Variants in NHS observed in about 807,000 individuals in gnomAD.
NHS encodes the protein NHS actin remodeling regulator, also known as actin remodeling regulator NHS.
In NHS, 5 loss-of-function variants were observed where a neutral mutation model predicts 72.5. The observed-to-expected ratio is 0.07, with a 90% CI of 0.04 to 0.14. The LOEUF is 0.14. Among genes scored for constraint, NHS ranks in the 10% least tolerant of loss-of-function variants. The pLI is 1.00. For synonymous variants in NHS, 464 were observed against 547.7 expected, an observed-to-expected ratio of 0.85 and a Z score of 2.13; for missense variants, 1,072 against 1,355.7, an observed-to-expected ratio of 0.79 and a Z score of 3.29.
intron 1 of NHS, among the ~76,000 whole-genome samples, chrX:17,606,580 G>A (rs2065680475): frequency 8.9e-6 from 1 of 112,062 alleles, no homozygotes; most frequent in African/African-American, 3.2e-5. Flanking sequence ...GATCAAAAAC[G>A]ACCAGTTGGA....
At chrX:17,582,633 A>C (rs2065549997) in intron 1 of NHS, among the ~76,000 whole-genome samples, 1 of 111,777 alleles carries the variant, frequency 8.9e-6, no homozygotes, top group Non-Finnish European at 1.9e-5. Context: ...CTGACTCTGC[A>C]CAGAGAAGCC....
intron 1 of NHS, among the ~76,000 whole-genome samples, chrX:17,383,170 C>T (rs902280947): frequency 8.9e-6 from 1 of 111,960 alleles, no homozygotes; most frequent in African/African-American, 3.3e-5. Flanking sequence ...GAGTCACCTC[C>T]CACATAAACT....
chrX:17,515,691 C>T (rs1184324364), intron 1 of NHS, among the ~76,000 whole-genome samples: 1 of 112,113 alleles, frequency 8.9e-6, no homozygotes, highest in Non-Finnish European at 1.9e-5. Context: ...ATCTATTGAG[C>T]ACTCACACCT....
chrX:17,607,932 T>C (rs1454435091), intron 1 of NHS, among the ~76,000 whole-genome samples: 1 of 104,057 alleles, frequency 9.6e-6, no homozygotes, highest in Non-Finnish European at 2.0e-5. Context: ...TTTTTTTTTT[T>C]TTTTGAGACA....
chrX:17,728,183 T>C lies in NHS; in HGVS notation c.4077T>C (p.Tyr1359=), dbSNP rs2066463395. The part of the protein sequence containing the change: ...HHDKVPGTIS[Y]ESEITSVNSF... ...ACAAAGTGCCTGGTACTATCAGCTA[T>C]GAATCGGAGATAACATCTGTAAATT... The change falls in exon 7 of 9, where the codon TAT becomes TAC. Residue 1359 remains tyrosine (Y), a synonymous_variant. Transcript: ENST00000676302. 1 of 1,209,947 alleles carries C rather than the reference T, an allele frequency of 8.3e-7. No individual in the cohort carries two copies. The highest frequency in any genetic ancestry group is 1.8e-5 in the South Asian group (1 of 56,799).
chrX:17,608,688 G>GTT (rs1266641022), intron 1 of NHS, among the ~76,000 whole-genome samples: 2,090 of 109,752 alleles, frequency 0.019, 61 homozygotes, highest in African/African-American at 0.064. Flanking sequence ...TTTTTTTTGG[G>GTT]GGGATATAAG....
chrX:17,597,920 G>A lies in NHS; in HGVS notation c.566-89822G>A, dbSNP rs961056388. ...GCGAGAGAGGGTGCCCAGAATGATC[G>A]CAGGCTCATTTCTAGGAGGGTAGGA... On this transcript the variant is annotated intron_variant, in intron 1 of 8. Transcript: ENST00000676302. Among the ~76,000 whole-genome samples, 4 of 111,292 alleles carry A rather than the reference G, an allele frequency of 3.6e-5. No individual in the cohort carries two copies. In the Admixed American group the frequency reaches 3.8e-4, roughly 11 times the overall value.
At chrX:17,551,761 T>C (rs1431317836) in intron 1 of NHS, among the ~76,000 whole-genome samples, 1 of 111,212 alleles carries the variant, frequency 9.0e-6, no homozygotes, top group Non-Finnish European at 1.9e-5. Flanking sequence ...CCTGTGCCTG[T>C]TCGTTGCCCT....
intron 3 of NHS, among the ~76,000 whole-genome samples, chrX:17,714,985 A>C (rs1300192786): frequency 1.8e-5 from 2 of 112,769 alleles, no homozygotes; most frequent in East Asian, 2.8e-4. Flanking sequence ...TTGACTAAAC[A>C]TCCAGGAAAG....
At chrX:17,632,052 G>C (rs1364078394) in intron 1 of NHS, among the ~76,000 whole-genome samples, 2 of 111,989 alleles carry the variant, frequency 1.8e-5, no homozygotes, top group African/African-American at 6.5e-5. Context: ...CATTGACCAG[G>C]TAGCAATCCC....
At chrX:17,635,568 T>G (rs756852916) in intron 1 of NHS, 2 of 1,166,119 alleles carry the variant, frequency 1.7e-6, no homozygotes, top group East Asian at 3.3e-5. Flanking sequence ...AATCCAAGCA[T>G]GGCTCTGGCC....
chrX:17,487,999 A>AC, intron 1 of NHS, among the ~76,000 whole-genome samples: 1 of 111,051 alleles, frequency 9.0e-6, no homozygotes, highest in Admixed American at 9.6e-5. Context: ...AAGTCTCGAA[A>AC]CCAGCAAAAA....
At position 17,375,695 on chromosome X, in the gene NHS, C is replaced by T; in HGVS notation, c.-63C>T. The T allele has an allele frequency of 8.9e-7, 1 of 1,129,750 alleles. No homozygotes were observed. The highest frequency in any genetic ancestry group is 1.9e-5 in the South Asian group (1 of 51,586). The allele number at this position is 1,129,750 out of a possible 1,213,427, so 93.1% of individuals were successfully genotyped here. On this transcript the variant is annotated 5_prime_UTR_variant, in exon 1 of 9. Coordinates refer to ENST00000676302, the MANE Select transcript of NHS (RefSeq NM_001291867.2). ...CCCCCTCCCTGCTCAGGTGGGCGCG[C>T]CCGGTCTCCAGCTCACAGGGGCGCT...
chrX:17,538,566 G>C (rs1346613800), intron 1 of NHS, among the ~76,000 whole-genome samples: 2 of 111,691 alleles, frequency 1.8e-5, no homozygotes, highest in Non-Finnish European at 3.8e-5. Flanking sequence ...ATTGCTCCCA[G>C]AGATGTTGAG....
At chrX:17,436,594 C>T (rs1415819919) in intron 1 of NHS, among the ~76,000 whole-genome samples, 1 of 102,523 alleles carries the variant, frequency 9.8e-6, no homozygotes, top group East Asian at 3.0e-4. Flanking sequence ...CCGGGAGATT[C>T]TTGATAAATA....
chrX:17,655,044 T>C (rs1380338961), intron 1 of NHS, among the ~76,000 whole-genome samples: 5 of 112,089 alleles, frequency 4.5e-5, no homozygotes, highest in Non-Finnish European at 9.4e-5. Flanking sequence ...GGGTGAGATG[T>C]GTCTAGGATG....
chrX:17,411,894 T>C (rs1280450145), intron 1 of NHS, among the ~76,000 whole-genome samples: 9 of 111,557 alleles, frequency 8.1e-5, no homozygotes, highest in African/African-American at 2.6e-4. Context: ...AAGGGGTAAG[T>C]GATTGTTTTA....
Position 17,630,567 on chromosome X carries a change from C to T in NHS, c.566-57175C>T, listed in dbSNP as rs571183672. 2.0e-4 allele frequency among the ~76,000 whole-genome samples: 22 copies of T among 110,612 alleles called. 1 individual carries two copies. The South Asian group carries it at 8.7e-3, about 44-fold the overall frequency. ...GCAAGCCCCATCAACCATCTCACCT[C>T]CAGGTGACACCAGCTCTGTGGTGCA... On this transcript the variant is annotated intron_variant, in intron 1 of 8. Coordinates refer to ENST00000676302, the MANE Select transcript of NHS (RefSeq NM_001291867.2).
chrX:17,480,197 A>G (rs1015481765), intron 1 of NHS, among the ~76,000 whole-genome samples: 1 of 111,965 alleles, frequency 8.9e-6, no homozygotes, highest in African/African-American at 3.2e-5. Flanking sequence ...GCAAATGGCC[A>G]TACTGCCCAA....
Sources: allele counts gnomAD v4.1 joint callset (sites outside exome capture counted in the v4.1 genomes callset), GRCh38; gene constraint gnomAD v4.1.1; transcripts MANE v1.5; gene names NCBI Gene and HGNC (gene_info 2026-07-23, HGNC 2026-07-21).